The following PRXL2C variants were observed in gnomAD, a reference collection of about 807,000 sequenced individuals.
The protein encoded by PRXL2C is peroxiredoxin like 2C.
A neutral mutation model predicts 24.9 loss-of-function variants in PRXL2C; 38 were observed. That is an observed-to-expected ratio of 1.53 (90% CI 1.18 to 2.00). The LOEUF is 2.00. Ranked by LOEUF, PRXL2C falls within the 30% of genes most tolerant of loss-of-function variation. The probability of loss-of-function intolerance (pLI) is 0.00; values close to 1 mark genes in which losing one functional copy is unlikely to be tolerated. For missense variants in PRXL2C, 294 were observed against 290.9 expected (o/e 1.01, Z -0.08); for synonymous variants, 98 against 117.2 (o/e 0.84, Z 1.06).
At chr9:96,648,883 C>T (rs1045047575) in intron 4 of PRXL2C, among the ~76,000 whole-genome samples, 4 of 152,070 alleles carry the variant, frequency 2.6e-5, no homozygotes, top group African/African-American at 9.7e-5. Flanking sequence ...AAGCAATTCT[C>T]CTGCCTCAGT....
intron 4 of PRXL2C, among the ~76,000 whole-genome samples, chr9:96,650,763 CCTT>C (rs961551070): frequency 9.2e-5 from 14 of 152,186 alleles, no homozygotes; most frequent in African/African-American, 2.2e-4. Context: ...TCACTCCCCT[CCTT>C]GAGGTAAACA....
intron 2 of PRXL2C, among the ~76,000 whole-genome samples, chr9:96,653,036 G>A (rs1848292619): frequency 1.3e-5 from 2 of 152,148 alleles, no homozygotes; most frequent in African/African-American, 2.4e-5. Flanking sequence ...GACCATACTG[G>A]CTAACACGGT....
At chr9:96,654,859 G>T in intron 1 of PRXL2C, 86 bp from the exon 2 acceptor site, 2 of 1,362,624 alleles carry the variant, frequency 1.5e-6, no homozygotes, top group Non-Finnish European at 2.0e-6. Flanking sequence ...CGTGCGTGAC[G>T]CGAGCAAAGG....
chr9:96,655,226 G>T lies in PRXL2C; in HGVS notation c.56C>A (p.Pro19Gln). Residue 19 changes from proline to glutamine, a missense_variant, in exon 1 of 6, where the codon CCG (proline) becomes CAG (glutamine). Physicochemically the swap from Pro to Gln is moderately conservative, Grantham distance 76. Coordinates refer to ENST00000375234, the MANE Select transcript of PRXL2C (RefSeq NM_153698.2). ...RQVSGAAALV[P>Q]APSGPDSGQP... is the part of the protein sequence containing the mutation. ...CCCGCTGTCGGGGCCGCTCGGGGCC[G>T]GGACCAGGGCGGCGGCGCCGCTAAC... 1 of 1,150,244 alleles carries T rather than the reference G, an allele frequency of 8.7e-7. No individual in the cohort carries two copies. Among genetic ancestry groups the T allele is most frequent in the South Asian group, 4.2e-5 (1 of 23,624 alleles). 71.3% of individuals were successfully genotyped at this position (1,150,244 alleles called of 1,614,324 possible).
Position 96,655,076 on chromosome 9 carries a change from C to T in PRXL2C, c.192+14G>A. The T allele has an allele frequency of 6.9e-7, 1 of 1,457,302 alleles. No homozygotes were observed. Among genetic ancestry groups the T allele is most frequent in the Non-Finnish European group, 9.0e-7 (1 of 1,111,118 alleles). 90.3% of individuals were successfully genotyped at this position (1,457,302 alleles called of 1,614,324 possible). A position where few individuals can be genotyped will look rare whatever the true frequency, so the allele number is the denominator to read the frequency against. On this transcript the variant is annotated intron_variant, in intron 1 of 5. Coordinates refer to ENST00000375234, the MANE Select transcript of PRXL2C (RefSeq NM_153698.2). ...CTGGGCCGCGCTTCCCTTCCAGCCC[C>T]GCCGCCCGCTCACCCGCACGAACAC...
In PRXL2C at chr9:96,641,693, T is replaced by C. The variant is rs1848117398; in HGVS notation, c.*66A>G. On this transcript the variant is annotated 3_prime_UTR_variant, in exon 6 of 6. Coordinates refer to ENST00000375234, the MANE Select transcript of PRXL2C (RefSeq NM_153698.2). ...GCAGGTTAGACACTGCACGAGGATA[T>C]TACACCCAGGCATTGAAGGTCACAT... The C allele has an allele frequency of 1.4e-6, 2 of 1,461,138 alleles. No individual in the cohort carries two copies. The highest frequency in any genetic ancestry group is 3.0e-5 in the South Asian group (2 of 65,890). 90.5% of individuals were successfully genotyped at this position (1,461,138 alleles called of 1,614,324 possible).
chr9:96,647,735 C>T (rs1019343120), intron 4 of PRXL2C, among the ~76,000 whole-genome samples: 5 of 152,004 alleles, frequency 3.3e-5, no homozygotes, highest in Non-Finnish European at 1.5e-5. Flanking sequence ...ACTTTGTTGC[C>T]CAGGCCGGTC....
chr9:96,648,189 C>A (rs529346584), intron 4 of PRXL2C, among the ~76,000 whole-genome samples: 3 of 152,282 alleles, frequency 2.0e-5, no homozygotes, highest in Admixed American at 6.5e-5. Context: ...AGGTGTGAGC[C>A]ACGACACCCA....
rs1346086464 is a variant in PRXL2C, at chr9:96,645,910, G to GT, written c.535dup (p.Thr179AsnfsTer8). 1.2e-6 allele frequency: 2 copies of GT among 1,612,298 alleles called. No homozygotes were observed. The highest frequency in any genetic ancestry group is 1.7e-6 in the Non-Finnish European group (2 of 1,179,636). On this transcript the variant is annotated frameshift_variant, in exon 5 of 6. Coordinates refer to ENST00000375234, the MANE Select transcript of PRXL2C (RefSeq NM_153698.2). LOFTEE classifies it high-confidence loss of function. ...ATGCTTACCTGGACCTAAAATGAGG[G>GT]TTCCACCTTGCTGAGCTGGGTCTCC...
At chr9:96,644,935 C>G in intron 5 of PRXL2C, among the ~76,000 whole-genome samples, 1 of 104,456 alleles carries the variant, frequency 9.6e-6, no homozygotes, top group Middle Eastern at 0.011. Flanking sequence ...GTCTCACTCT[C>G]TCACCCAGGC....
rs1465858783 is a variant in PRXL2C, at chr9:96,655,238, G to C, written c.44C>G (p.Ala15Gly). The C allele has an allele frequency of 8.8e-7, 1 of 1,131,466 alleles. No homozygotes were observed. Among genetic ancestry groups the C allele is most frequent in the African/African-American group, 1.6e-5 (1 of 60,778 alleles). 70.1% of individuals were successfully genotyped at this position (1,131,466 alleles called of 1,614,324 possible). The part of the protein sequence containing the change: ...APVTRQVSGA[A>G]ALVPAPSGPD... ...GCCGCTCGGGGCCGGGACCAGGGCG[G>C]CGGCGCCGCTAACCTGCCGCGTGAC... Residue 15 changes from alanine to glycine, a missense_variant, in exon 1 of 6, where the codon GCC becomes GGC. Physicochemically the swap from Ala to Gly is moderately conservative, Grantham distance 60 (BLOSUM62 0). Transcript: ENST00000375234.
chr9:96,641,874 T>G lies in PRXL2C; in HGVS notation c.566A>C (p.His189Pro), dbSNP rs1848122367. 6.7e-7 allele frequency: 1 copy of G among 1,501,678 alleles called. No homozygotes were observed. Among genetic ancestry groups the G allele is most frequent in the South Asian group, 1.3e-5 (1 of 74,510 alleles). The allele number at this position is 1,501,678 out of a possible 1,614,324, so 93.0% of individuals were successfully genotyped here. The stretch of plus-strand genomic sequence containing the variant: ...CCTATTCCTATCGCGGTGTATAAAA[T>G]GGATGTTGTTACCTAGAAGAGAATA... ...TLILGPGNNI[H>P]FIHRDRNRLD... Residue 189 changes from histidine (H) to proline (P), a missense_variant, in exon 6 of 6, where the codon CAT becomes CCT. By Grantham distance (77) the His-to-Pro change is moderately conservative (BLOSUM62 -2). Coordinates refer to ENST00000375234, the MANE Select transcript of PRXL2C (RefSeq NM_153698.2).
At chr9:96,652,116 C>T (rs1328395309) in intron 2 of PRXL2C, among the ~76,000 whole-genome samples, 1 of 152,166 alleles carries the variant, frequency 6.6e-6, no homozygotes, top group Non-Finnish European at 1.5e-5. Context: ...AGAGAAGAGA[C>T]AACTCACAGA....
chr9:96,654,693 T>G lies in PRXL2C; in HGVS notation c.261+12A>C, dbSNP rs1420079256. ...GAAGCGGGCACTGGGCCGCCCACGC[T>G]GGGAAACTCACTTGTAAGAAACTCC... On this transcript the variant is annotated intron_variant, in intron 2 of 5. Transcript: ENST00000375234. 2.6e-6 allele frequency: 4 copies of G among 1,557,434 alleles called. No homozygotes were observed. The Admixed American group carries it at 5.8e-5, about 23-fold the overall frequency.
At chr9:96,643,976 T>C (rs553331648) in intron 5 of PRXL2C, among the ~76,000 whole-genome samples, 1 of 151,508 alleles carries the variant, frequency 6.6e-6, no homozygotes, top group East Asian at 2.0e-4. Flanking sequence ...CTACTAAAAA[T>C]ACAAAAATTA....
At chr9:96,645,112 T>C (rs1342747589) in intron 5 of PRXL2C, among the ~76,000 whole-genome samples, 1 of 151,284 alleles carries the variant, frequency 6.6e-6, no homozygotes, top group Non-Finnish European at 1.5e-5. Context: ...GGTTTCACCG[T>C]GTTAGCCAGG....
At chr9:96,654,572 G>T in intron 2 of PRXL2C, 133 bp downstream of exon 2, 1 of 740,158 alleles carries the variant, frequency 1.4e-6, no homozygotes, top group Non-Finnish European at 2.2e-6. Flanking sequence ...TCCTTTTGGA[G>T]GGGCGAGGGT....
intron 5 of PRXL2C, 59 bp from the exon 6 acceptor site, chr9:96,641,945 T>C: frequency 7.4e-7 from 1 of 1,353,330 alleles, no homozygotes; most frequent in East Asian, 2.6e-5. Context: ...ATTTACTGCT[T>C]ACTAAAATCA....
chr9:96,651,724 A>T lies in PRXL2C; in HGVS notation c.262-12T>A. On this transcript the variant is annotated splice_polypyrimidine_tract_variant and intron_variant, in intron 2 of 5. Coordinates refer to ENST00000375234, the MANE Select transcript of PRXL2C (RefSeq NM_153698.2). Reference sequence around the variant, plus strand: ...GTGACATTTGCTTCCTTAGGAGAAAAAAAAGGACATGTATATATCATTAGA... The same window carrying T: ...GTGACATTTGCTTCCTTAGGAGAAATAAAAGGACATGTATATATCATTAGA... 2 of 1,601,250 alleles carry T rather than the reference A, an allele frequency of 1.2e-6. No individual in the cohort carries two copies.
Sources: gnomAD v4.1 joint callset for allele counts (sites outside exome capture counted in the v4.1 genomes callset) on GRCh38, gnomAD v4.1.1 for gene constraint, MANE v1.5 for transcripts, NCBI Gene and HGNC (gene_info 2026-07-23, HGNC 2026-07-21) for gene names.